COPG2: variants seen among roughly 807,000 people sequenced by gnomAD.
COPG2 encodes coatomer subunit gamma-2.
COPG2 carries 37 observed loss-of-function variants against 46.3 expected under a neutral mutation model. The observed-to-expected ratio is 0.80, with a 90% CI of 0.61 to 1.05. The LOEUF (loss-of-function observed/expected upper bound fraction) is 1.05. Ranked by LOEUF, COPG2 falls within the 50% of genes least tolerant of loss-of-function variation. The pLI is 0.00. For missense variants in COPG2, 427 were observed against 387.8 expected (o/e 1.10, Z -0.85); for synonymous variants, 159 against 129.7 (o/e 1.23, Z -1.53).
intron 9 of COPG2, among the ~76,000 whole-genome samples, chr7:130,589,993 A>G (rs1371259858): frequency 6.6e-6 from 1 of 152,198 alleles, no homozygotes; most frequent in Non-Finnish European, 1.5e-5. Context: ...TTTTAATCGT[A>G]AAAGACGTTA....
intron 17 of COPG2, 115 bp from the exon 18 acceptor site, chr7:130,549,491 C>T: frequency 2.5e-6 from 1 of 396,640 alleles, no homozygotes; most frequent in Non-Finnish European, 4.4e-6. Context: ...TGAGCTATTA[C>T]TAGATCATAC....
chr7:130,646,851 A>G (rs1554458264), intron 5 of COPG2, among the ~76,000 whole-genome samples: 1 of 151,460 alleles, frequency 6.6e-6, no homozygotes, highest in Non-Finnish European at 1.5e-5. Flanking sequence ...GGCCTCCCCC[A>G]GCCACGCGGA....
At chr7:130,640,692 C>A (rs1394285879) in intron 5 of COPG2, among the ~76,000 whole-genome samples, 1 of 152,042 alleles carries the variant, frequency 6.6e-6, no homozygotes, top group African/African-American at 2.4e-5. Flanking sequence ...GCAAACTGGG[C>A]AGGAAAAAGA....
intron 20 of COPG2, among the ~76,000 whole-genome samples, chr7:130,513,308 AATAT>A (rs1197540092): frequency 3.1e-3 from 171 of 55,454 alleles, no homozygotes; most frequent in Admixed American, 4.0e-3. Context: ...AAAAAAAAAA[AATAT>A]ATATATATAT....
In COPG2 at chr7:130,547,535, CACAA is replaced by C. The variant is rs1320935873; in HGVS notation, c.2149+135_2149+138del. The C allele has an allele frequency of 6.8e-5, 27 of 396,432 alleles. No individual in the cohort carries two copies. In the South Asian group the frequency reaches 2.4e-3, roughly 35 times the overall value. The allele number at this position is 396,432 out of a possible 1,614,324, so 24.6% of individuals were successfully genotyped here. A position where few individuals can be genotyped will look rare whatever the true frequency, so the allele number is the denominator to read the frequency against. ...TTATAAATATATATATTCACACACA[CACAA>C]ACACACACACACAAACACTCATCAT... On this transcript the variant is annotated intron_variant, in intron 20 of 23. Transcript: ENST00000425248.
At chr7:130,512,222 A>G (rs1301872543) in intron 20 of COPG2, among the ~76,000 whole-genome samples, 2 of 151,004 alleles carry the variant, frequency 1.3e-5, no homozygotes, top group African/African-American at 4.9e-5. Context: ...TTAATACACA[A>G]CTCTCCTTGT....
chr7:130,664,381 C>T (rs927870630), intron 3 of COPG2, among the ~76,000 whole-genome samples: 1 of 152,178 alleles, frequency 6.6e-6, no homozygotes, highest in Admixed American at 6.5e-5. Context: ...CCAGCCTGCT[C>T]ATCAGCATGA....
intron 20 of COPG2, chr7:130,509,608 T>C (rs1554440737): frequency 2.1e-6 from 1 of 476,544 alleles, no homozygotes; most frequent in African/African-American, 2.0e-5. Flanking sequence ...CATTCATCCA[T>C]CCACACATGT....
intron 5 of COPG2, among the ~76,000 whole-genome samples, chr7:130,652,409 A>G (rs1371015854): frequency 6.6e-6 from 1 of 152,204 alleles, no homozygotes; most frequent in Non-Finnish European, 1.5e-5. Flanking sequence ...GATGAGTAAA[A>G]AATATTATAC....
At chr7:130,641,616 T>G (rs1210276615) in intron 5 of COPG2, among the ~76,000 whole-genome samples, 1 of 152,194 alleles carries the variant, frequency 6.6e-6, no homozygotes, top group Admixed American at 6.5e-5. Context: ...AAGTAAGAAG[T>G]TACTGGAAAT....
chr7:130,579,746 C>T (rs1310437839), intron 9 of COPG2, among the ~76,000 whole-genome samples: 13 of 149,940 alleles, frequency 8.7e-5, no homozygotes, highest in Non-Finnish European at 4.5e-5. Flanking sequence ...TCAAAAGAGA[C>T]AAGGCCATTA....
chr7:130,577,774 AAAAAAAAAAAAAAAC>A (rs1486854383), intron 9 of COPG2, among the ~76,000 whole-genome samples: 5 of 150,214 alleles, frequency 3.3e-5, no homozygotes, highest in Admixed American at 1.3e-4. Flanking sequence ...TCTCAAAAAA[AAAAAAAAAAAAAAAC>A]AAAAAAAAAA....
chr7:130,507,738 T>G lies in COPG2; in HGVS notation c.2333A>C (p.Asp778Ala). ...AAAGGTTTCCTCTTTCTCAAAGGTA[T>G]CTCCCACCTCTTCCCAAGCAGCAGC... ...NFAAAWEEVGDTFEKEETFAL... is the reference protein window; with the variant it reads ...NFAAAWEEVGATFEKEETFAL... The change falls in exon 22 of 24, where the codon GAT (aspartate) becomes GCT (alanine). Residue 778 changes from aspartate to alanine, a missense_variant. Asp to Ala is a moderately radical substitution (Grantham distance 126, BLOSUM62 -2). Transcript: ENST00000425248. 1 of 780,544 alleles carries G rather than the reference T, an allele frequency of 1.3e-6. No individual in the cohort carries two copies. Among genetic ancestry groups the G allele is most frequent in the Middle Eastern group, 2.3e-4 (1 of 4,440 alleles). 48.4% of individuals were successfully genotyped at this position (780,544 alleles called of 1,614,324 possible).
rs1554452475 is a variant in COPG2, at chr7:130,613,620, G to C, written c.416C>G (p.Ala139Gly). 1 of 1,598,512 alleles carries C rather than the reference G, an allele frequency of 6.3e-7. No individual in the cohort carries two copies. The highest frequency in any genetic ancestry group is 8.5e-7 in the Non-Finnish European group (1 of 1,171,162). Residue 139 changes from alanine (A) to glycine (G), a missense_variant, in exon 7 of 24, where the codon GCC becomes GGC. By Grantham distance (60) the Ala-to-Gly change is moderately conservative. Coordinates refer to ENST00000425248, the MANE Select transcript of COPG2 (RefSeq NM_012133.6). ...CRITDGTMLQ[A>G]IERYMKQAIV... is the part of the protein sequence containing the mutation. Reference sequence around the variant, plus strand: ...GGCCTGCTTCATGTATCTTTCAATGGCTTGCAACATTGTTCCCTAATAACA... The same window carrying C: ...GGCCTGCTTCATGTATCTTTCAATGCCTTGCAACATTGTTCCCTAATAACA...
intron 20 of COPG2, among the ~76,000 whole-genome samples, chr7:130,535,572 A>C (rs1350668742): frequency 6.9e-6 from 1 of 144,108 alleles, no homozygotes; most frequent in Non-Finnish European, 1.5e-5. Flanking sequence ...AAAGCCTTGA[A>C]CTTTGTTGCA....
At chr7:130,554,454 G>A (rs944274651) in intron 14 of COPG2, 27 bp downstream of exon 14, 88 of 398,352 alleles carry the variant, frequency 2.2e-4, no homozygotes, top group African/African-American at 1.7e-3. Context: ...GATCAGCATC[G>A]TCAATATCAG....
chr7:130,637,834 C>T (rs916746708), intron 5 of COPG2, among the ~76,000 whole-genome samples: 2 of 152,190 alleles, frequency 1.3e-5, no homozygotes. Context: ...CCTTTTTGCA[C>T]TGGTTTTTCC....
chr7:130,624,976 A>G (rs202222679), intron 5 of COPG2, among the ~76,000 whole-genome samples: 1 of 152,182 alleles, frequency 6.6e-6, no homozygotes, highest in Non-Finnish European at 1.5e-5. Flanking sequence ...TTAACTCTTT[A>G]AAGAATCTCT....
In COPG2 at chr7:130,612,138, T is replaced by C; in HGVS notation, c.579+14A>G. ...CTGATCCTGAGACAAGCTAATGTGA[T>C]TCAATGACAATACCTGGACCATAAT... On this transcript the variant is annotated intron_variant, in intron 8 of 23. Transcript: ENST00000425248. The C allele has an allele frequency of 6.4e-7, 1 of 1,573,460 alleles. No homozygotes were observed. Among genetic ancestry groups the C allele is most frequent in the Non-Finnish European group, 8.7e-7 (1 of 1,145,112 alleles).
Sources: allele counts gnomAD v4.1 joint callset (sites outside exome capture counted in the v4.1 genomes callset), GRCh38; gene constraint gnomAD v4.1.1; transcripts MANE v1.5; gene names NCBI Gene and HGNC (gene_info 2026-07-23, HGNC 2026-07-21).